Variants in STAB2 observed in about 807,000 individuals in gnomAD.
STAB2 encodes stabilin 2.
A neutral mutation model predicts 338.1 loss-of-function variants in STAB2; 288 were observed. The ratio of observed to expected loss-of-function variants is 0.85; its 90% CI spans 0.77 to 0.94. The LOEUF is 0.94. Ranked by LOEUF, STAB2 falls within the 40% of genes least tolerant of loss-of-function variation. STAB2 has a pLI of 0.00. For missense variants in STAB2, 3,141 were observed against 3,210.1 expected, an observed-to-expected ratio of 0.98 and a Z score of 0.52; for synonymous variants, 1,202 against 1,193.3, an observed-to-expected ratio of 1.01 and a Z score of -0.15.
At chr12:103,644,885 A>C (rs188552259) in intron 9 of STAB2, among the ~76,000 whole-genome samples, 7 of 152,384 alleles carry the variant, frequency 4.6e-5, no homozygotes, top group African/African-American at 1.7e-4. Context: ...ATTATTATGC[A>C]TTGCATGTCT....
chr12:103,762,765 C>T (rs1884635627), intron 67 of STAB2, among the ~76,000 whole-genome samples: 1 of 152,244 alleles, frequency 6.6e-6, no homozygotes, highest in Admixed American at 6.5e-5. Context: ...CTAGCTTGGG[C>T]TTCAAGACCG....
At chr12:103,690,583 T>G in intron 30 of STAB2, 45 bp downstream of exon 30, 2 of 1,518,172 alleles carry the variant, frequency 1.3e-6, no homozygotes, top group Non-Finnish European at 1.8e-6. Flanking sequence ...CATAACAGCT[T>G]TGTTTATATT....
chr12:103,754,080 C>T (rs1480347144), intron 61 of STAB2, among the ~76,000 whole-genome samples: 2 of 152,076 alleles, frequency 1.3e-5, no homozygotes, highest in Non-Finnish European at 2.9e-5. Context: ...ATGCCTAGTA[C>T]GTATGATTTT....
intron 35 of STAB2, among the ~76,000 whole-genome samples, chr12:103,703,505 C>A (rs147595699): frequency 6.6e-6 from 1 of 152,142 alleles, no homozygotes; most frequent in Non-Finnish European, 1.5e-5. Flanking sequence ...AGAGGTTGTA[C>A]CTTGTGTGCC....
intron 63 of STAB2, among the ~76,000 whole-genome samples, chr12:103,757,054 A>ATT (rs1209189672): frequency 6.8e-6 from 1 of 146,714 alleles, no homozygotes; most frequent in Non-Finnish European, 1.5e-5. Flanking sequence ...TAAAGTATGT[A>ATT]AATATATATT....
chr12:103,755,540 C>T, intron 62 of STAB2, 72 bp from the exon 63 acceptor site: 1 of 1,609,178 alleles, frequency 6.2e-7, no homozygotes. Flanking sequence ...GCCAGTCACT[C>T]CCCAAGCAGA....
intron 44 of STAB2, among the ~76,000 whole-genome samples, chr12:103,721,878 G>A (rs905801151): frequency 6.6e-6 from 1 of 151,872 alleles, no homozygotes; most frequent in African/African-American, 2.4e-5. Flanking sequence ...GACTGGATAT[G>A]GGAAATACAA....
intron 5 of STAB2, among the ~76,000 whole-genome samples, chr12:103,628,396 A>G (rs1198565625): frequency 2.0e-5 from 3 of 152,358 alleles, no homozygotes; most frequent in Non-Finnish European, 4.4e-5. Context: ...TTAAGGAGGC[A>G]TCAAAAAAAC....
intron 18 of STAB2, among the ~76,000 whole-genome samples, chr12:103,664,236 C>T (rs929008859): frequency 3.3e-5 from 5 of 152,096 alleles, no homozygotes; most frequent in African/African-American, 7.2e-5. Flanking sequence ...CTCTGCCTCC[C>T]GGGTTCATGC....
At chr12:103,601,549 G>A (rs7979507) in intron 3 of STAB2, among the ~76,000 whole-genome samples, 48,687 of 152,090 alleles carry the variant, frequency 0.32, 9,902 homozygotes, top group African/African-American at 0.58. Context: ...CCAAGATCGC[G>A]TCAATGCACT....
At chr12:103,760,252 T>G (rs534285480) in intron 65 of STAB2, among the ~76,000 whole-genome samples, 1 of 152,196 alleles carries the variant, frequency 6.6e-6, no homozygotes, top group South Asian at 2.1e-4. Context: ...CACAATGGTG[T>G]GTGGGGGGTG....
At position 103,720,630 on chromosome 12, in the gene STAB2, G is replaced by C. The variant is rs951825121; in HGVS notation, c.4683+2789G>C. 1.6e-4 allele frequency among the ~76,000 whole-genome samples: 25 copies of C among 152,336 alleles called. 1 individual carries two copies. Among genetic ancestry groups the C allele is most frequent in the Admixed American group, 8.5e-4 (13 of 15,298 alleles). Reference sequence around the variant, plus strand: ...AGTCCTGGTGCTAAATCTGGCCCAAGAACAATTATTTCTGCTCAAGTCCTA... The same window carrying C: ...AGTCCTGGTGCTAAATCTGGCCCAACAACAATTATTTCTGCTCAAGTCCTA... On this transcript the variant is annotated intron_variant, in intron 44 of 68. Coordinates refer to ENST00000388887, the MANE Select transcript of STAB2 (RefSeq NM_017564.10).
At chr12:103,638,278 T>G in intron 8 of STAB2, 66 bp downstream of exon 8, 1 of 1,516,890 alleles carries the variant, frequency 6.6e-7, no homozygotes. Flanking sequence ...GTCACAGGTA[T>G]CATTTGTCTT....
chr12:103,750,650 C>G lies in STAB2; in HGVS notation c.6510C>G (p.Pro2170=). 1.9e-6 allele frequency: 3 copies of G among 1,614,236 alleles called. No individual in the cohort carries two copies. Among genetic ancestry groups the G allele is most frequent in the Non-Finnish European group, 2.5e-6 (3 of 1,180,030 alleles). ...DGLNCEPEQL[P]IDRCLQDNGQ... The stretch of plus-strand genomic sequence containing the variant: ...TGAACTGTGAGCCGGAGCAGCTGCC[C>G]ATTGACCGCTGCTTACAGGACAATG... The change falls in exon 60 of 69, where the codon CCC becomes CCG. Residue 2170 remains proline, a synonymous_variant. Transcript: ENST00000388887.
At chr12:103,757,106 C>G (rs1884189494) in intron 63 of STAB2, among the ~76,000 whole-genome samples, 2 of 147,024 alleles carry the variant, frequency 1.4e-5, no homozygotes, top group African/African-American at 5.0e-5. Context: ...TGTTTGTTTT[C>G]TTAAGAGAGT....
At chr12:103,732,957 T>C (rs980423263) in intron 50 of STAB2, 49 bp from the exon 51 acceptor site, 6 of 1,592,720 alleles carry the variant, frequency 3.8e-6, no homozygotes, top group Non-Finnish European at 4.3e-6. Flanking sequence ...CCTGCCCACA[T>C]GTCTGGGCCT....
At chr12:103,763,636 G>A in intron 68 of STAB2, 28 bp downstream of exon 68, 1 of 1,586,456 alleles carries the variant, frequency 6.3e-7, no homozygotes, top group Non-Finnish European at 8.6e-7. Flanking sequence ...TCTAGGAATA[G>A]GTTCCCTTGG....
At chr12:103,755,132 C>T (rs934390507) in intron 61 of STAB2, 170 bp from the exon 62 acceptor site, 3 of 845,604 alleles carry the variant, frequency 3.5e-6, no homozygotes, top group African/African-American at 1.7e-5. Flanking sequence ...GTGGCTCAAT[C>T]AATCAGTCAA....
chr12:103,612,330 C>G (rs1166573017), intron 3 of STAB2, among the ~76,000 whole-genome samples: 2 of 152,180 alleles, frequency 1.3e-5, no homozygotes, highest in African/African-American at 2.4e-5. Context: ...ACCAATCAGA[C>G]GTAGATTTGG....
Sources: allele counts gnomAD v4.1 joint callset (sites outside exome capture counted in the v4.1 genomes callset), GRCh38; gene constraint gnomAD v4.1.1; transcripts MANE v1.5; gene names NCBI Gene and HGNC (gene_info 2026-07-23, HGNC 2026-07-21).